Variants in IHO1 observed in about 807,000 individuals in gnomAD.
IHO1 encodes interactor of HORMAD1 protein 1.
Under a neutral mutation model 31.0 loss-of-function variants are expected in IHO1, and 13 were observed. The observed-to-expected ratio is 0.42, with a 90% confidence interval of 0.27 to 0.67. The LOEUF (loss-of-function observed/expected upper bound fraction) is 0.67. Ranked by LOEUF, IHO1 falls within the 30% of genes least tolerant of loss-of-function variation. IHO1 has a pLI of 0.24. For synonymous variants in IHO1, 221 were observed against 248.4 expected (o/e 0.89, Z 1.04); for missense variants, 599 against 687.5 (o/e 0.87, Z 1.44).
chr3:49,232,857 C>T (rs1286007131), intron 2 of IHO1, among the ~76,000 whole-genome samples: 1 of 152,094 alleles, frequency 6.6e-6, no homozygotes, highest in Admixed American at 6.5e-5. Flanking sequence ...ATTTATTGGG[C>T]GTATTTATCA....
At position 49,231,854 on chromosome 3, in the gene IHO1, G is replaced by A. The variant is rs531963021; in HGVS notation, c.57-4694G>A. On this transcript the variant is annotated intron_variant, in intron 2 of 7. Coordinates refer to ENST00000452691, the MANE Select transcript of IHO1 (RefSeq NM_001135197.2). ...CAGCATTACCTGGAAAGAAGCTAAA[G>A]CTATCATCCAGCGATGCCCAACTTG... Among the ~76,000 whole-genome samples the A allele has an allele frequency of 6.6e-5, 10 of 152,348 alleles. No homozygotes were observed. In the South Asian group the frequency reaches 1.9e-3, roughly 28 times the overall value.
At chr3:49,242,668 G>A (rs901004677) in intron 4 of IHO1, among the ~76,000 whole-genome samples, 3 of 152,082 alleles carry the variant, frequency 2.0e-5, no homozygotes, top group African/African-American at 4.8e-5. Flanking sequence ...GGCCAGGCAC[G>A]GTGGCGGGTG....
chr3:49,194,694 C>G (rs1181121236), upstream of IHO1, among the ~76,000 whole-genome samples: 2 of 145,934 alleles, frequency 1.4e-5, no homozygotes, highest in South Asian at 4.4e-4. Flanking sequence ...CCAGGAGTTA[C>G]AGACCAGCCT....
rs1244555768 is a variant in IHO1, at chr3:49,244,449, C to T, written c.441C>T (p.Leu147=). ...NFVSNVRESI[L]RLQTSVEKSE... ...TTTCTAATGTTAGAGAAAGCATTCTCAGGGTAAGTACAGATACTTTTCAAG... is the reference window on the plus strand; with the variant it reads ...TTTCTAATGTTAGAGAAAGCATTCTTAGGGTAAGTACAGATACTTTTCAAG... The change falls in exon 5 of 8, where the codon CTC becomes CTT. Residue 147 remains leucine (L), a synonymous_variant. Transcript: ENST00000452691. 6.4e-7 allele frequency: 1 copy of T among 1,555,280 alleles called. No homozygotes were observed.
At chr3:49,221,471 C>T (rs2046355194) in intron 2 of IHO1, among the ~76,000 whole-genome samples, 1 of 152,216 alleles carries the variant, frequency 6.6e-6, no homozygotes, top group South Asian at 2.1e-4. Context: ...TTCTCCAAGT[C>T]CCCACTCGAC....
In IHO1 at chr3:49,254,631, G is replaced by A. The variant is rs142357733; in HGVS notation, c.533-759G>A. ...GTACTTGAAGCTAAGGGAAGACTTT[G>A]CACAAAGGCCAGTGGTGAGAGAGAA... On this transcript the variant is annotated intron_variant, in intron 6 of 7. Transcript: ENST00000452691. Among the ~76,000 whole-genome samples the A allele has an allele frequency of 1.3e-3, 195 of 152,258 alleles. 6 individuals carry two copies. The East Asian group carries it at 0.036, about 28-fold the overall frequency.
At chr3:49,241,574 GAC>G (rs2107726663) in intron 4 of IHO1, among the ~76,000 whole-genome samples, 185 bp downstream of exon 4, 1 of 150,644 alleles carries the variant, frequency 6.6e-6, no homozygotes, top group South Asian at 2.1e-4. Flanking sequence ...CACACAAACA[GAC>G]ACACAGAGAA....
rs1362625376 is a variant in IHO1, at chr3:49,257,952, TTCTTAAAAC to T, written c.*672_*680del. 1.3e-5 allele frequency: 2 copies of T among 152,180 alleles called. No homozygotes were observed. Among genetic ancestry groups the T allele is most frequent in the African/African-American group, 4.8e-5 (2 of 41,420 alleles). The allele number at this position is 152,180 out of a possible 1,614,324, so 9.4% of individuals were successfully genotyped here. A position where few individuals can be genotyped will look rare whatever the true frequency, so the allele number is the denominator to read the frequency against. On this transcript the variant is annotated 3_prime_UTR_variant, in exon 8 of 8. Coordinates refer to ENST00000452691, the MANE Select transcript of IHO1 (RefSeq NM_001135197.2). Reference sequence around the variant, plus strand: ...TCCCTTGTCCTGTTTTTCAAGCACTTTCTTAAAACTAATAATATTGTAGACCTTGTATTT... The same window carrying T: ...TCCCTTGTCCTGTTTTTCAAGCACTTTAATAATATTGTAGACCTTGTATTT...
At chr3:49,191,704 A>G in the IHO1 span, 2 of 1,589,996 alleles carry the variant, frequency 1.3e-6, no homozygotes, top group Non-Finnish European at 1.7e-6. Context: ...AGGTACAACC[A>G]GAGGGCCAGG....
intron 5 of IHO1, 31 bp downstream of exon 5, chr3:49,244,483 A>T: frequency 6.8e-7 from 1 of 1,459,880 alleles, no homozygotes; most frequent in South Asian, 1.2e-5. Flanking sequence ...AGGAGTTAGA[A>T]CATCTTATAT....
the IHO1 span, chr3:49,191,855 A>T: frequency 6.9e-5 from 95 of 1,370,322 alleles, no homozygotes; most frequent in Admixed American, 9.9e-5. Flanking sequence ...CTGGAGGTCA[A>T]TTTTTTGTTG....
chr3:49,241,955 T>G lies in IHO1; in HGVS notation c.395+566T>G, dbSNP rs368145754. Among the ~76,000 whole-genome samples, 18 of 151,812 alleles carry G rather than the reference T, an allele frequency of 1.2e-4. No individual in the cohort carries two copies. The East Asian group carries it at 2.5e-3, about 21-fold the overall frequency. On this transcript the variant is annotated intron_variant, in intron 4 of 7. Transcript: ENST00000452691. ...ATTATTATTTATTTTATTATTATTT[T>G]TTTCTGAGATGGAGTTTCACTCTTG...
intron 2 of IHO1, among the ~76,000 whole-genome samples, chr3:49,233,972 C>G (rs1388235877): frequency 6.6e-6 from 1 of 152,134 alleles, no homozygotes; most frequent in African/African-American, 2.4e-5. Context: ...CGGCCCATCC[C>G]TTTGTTTCCC....
chr3:49,195,379 G>A (rs980622521), upstream of IHO1, among the ~76,000 whole-genome samples: 3 of 149,788 alleles, frequency 2.0e-5, no homozygotes, highest in East Asian at 2.0e-4. Flanking sequence ...TTGAGATCAC[G>A]CCATTCCACT....
chr3:49,251,059 T>C (rs2046753838), intron 6 of IHO1, among the ~76,000 whole-genome samples: 1 of 151,888 alleles, frequency 6.6e-6, no homozygotes, highest in Non-Finnish European at 1.5e-5. Flanking sequence ...TTAAATTGTT[T>C]CATGTTAGTT....
chr3:49,218,275 T>C (rs554089347), intron 2 of IHO1, among the ~76,000 whole-genome samples: 2 of 151,966 alleles, frequency 1.3e-5, no homozygotes, highest in East Asian at 1.9e-4. Flanking sequence ...CTCTCTCTCT[T>C]TCTCTGGGTG....
At chr3:49,249,785 A>T (rs1017502662) in intron 6 of IHO1, among the ~76,000 whole-genome samples, 6 of 152,192 alleles carry the variant, frequency 3.9e-5, no homozygotes, top group Non-Finnish European at 8.8e-5. Context: ...GAGTATCCCT[A>T]AAAAAGTTGG....
chr3:49,236,526 A>G (rs776765398), intron 2 of IHO1, 22 bp from the exon 3 acceptor site: 37 of 1,547,848 alleles, frequency 2.4e-5, no homozygotes, highest in Middle Eastern at 1.7e-4. Flanking sequence ...TATTTGATAC[A>G]CTTTTTTTTG....
intron 2 of IHO1, among the ~76,000 whole-genome samples, chr3:49,221,131 G>A (rs2046350708): frequency 6.6e-6 from 1 of 152,090 alleles, no homozygotes; most frequent in African/African-American, 2.4e-5. Flanking sequence ...GACACAGAGT[G>A]CTGACTGGTG....
Sources: allele counts gnomAD v4.1 joint callset (sites outside exome capture counted in the v4.1 genomes callset), GRCh38; gene constraint gnomAD v4.1.1; transcripts MANE v1.5; gene names NCBI Gene and HGNC (gene_info 2026-07-23, HGNC 2026-07-21).